The following PLCB1 variants were observed in gnomAD, a reference collection of about 807,000 sequenced individuals.
The protein encoded by PLCB1 is phospholipase C beta 1.
Under a neutral mutation model 161.8 loss-of-function variants are expected in PLCB1, and 46 were observed. The ratio of observed to expected loss-of-function variants is 0.28; its 90% CI spans 0.22 to 0.36. The LOEUF (loss-of-function observed/expected upper bound fraction) is 0.36, where lower values mean the gene tolerates loss of function less well. PLCB1 is among the 10% of genes least tolerant of loss of function. The pLI is 1.00. For missense variants in PLCB1, 1,016 were observed against 1,472.5 expected, an observed-to-expected ratio of 0.69 and a Z score of 5.07; for synonymous variants, 517 against 503.7, an observed-to-expected ratio of 1.03 and a Z score of -0.35.
chr20:8,744,294 C>T (rs1981034670), intron 23 of PLCB1, among the ~76,000 whole-genome samples: 1 of 152,076 alleles, frequency 6.6e-6, no homozygotes. Context: ...AGAGGAAATA[C>T]TTTTTAGATT....
chr20:8,259,359 CT>C (rs1370974852), intron 2 of PLCB1, among the ~76,000 whole-genome samples: 4 of 152,008 alleles, frequency 2.6e-5, no homozygotes. Context: ...GGTAGTGCCT[CT>C]AATTAGAGCA....
At chr20:8,874,256 G>T (rs3884400) in intron 31 of PLCB1, among the ~76,000 whole-genome samples, 3 of 52,718 alleles carry the variant, frequency 5.7e-5, no homozygotes, top group African/African-American at 1.4e-4. Flanking sequence ...ACACACACAC[G>T]CACAACAGAT....
intron 26 of PLCB1, among the ~76,000 whole-genome samples, chr20:8,773,716 G>A (rs201168460): frequency 6.6e-6 from 1 of 152,152 alleles, no homozygotes; most frequent in Non-Finnish European, 1.5e-5. Flanking sequence ...GCTCACGTCT[G>A]TAATCCCAGC....
In PLCB1 at chr20:8,649,368, T is replaced by C. The variant is rs778894649; in HGVS notation, c.519-6T>C. The C allele has an allele frequency of 2.5e-6, 4 of 1,610,920 alleles. 1 individual carries two copies. The highest frequency in any genetic ancestry group is 3.3e-4 in the Middle Eastern group (2 of 6,054). On this transcript the variant is annotated splice_polypyrimidine_tract_variant and splice_region_variant and intron_variant, in intron 6 of 31. Transcript: ENST00000338037. ...ACCTCTCTCCTTTGTTGTGTTCACT[T>C]CACAGCATATATCGCTTGTTTTCAG... is the stretch of plus-strand genomic sequence containing the variant.
At chr20:8,611,026 C>G (rs1987890853) in intron 3 of PLCB1, among the ~76,000 whole-genome samples, 2 of 151,956 alleles carry the variant, frequency 1.3e-5, no homozygotes, top group South Asian at 4.1e-4. Context: ...AGAAATGTAT[C>G]TCTTTTCAGG....
chr20:8,703,248 A>C (rs1978469378), intron 11 of PLCB1, among the ~76,000 whole-genome samples: 1 of 152,212 alleles, frequency 6.6e-6, no homozygotes, highest in African/African-American at 2.4e-5. Context: ...CCTACTTAAT[A>C]CACAAATATT....
intron 2 of PLCB1, among the ~76,000 whole-genome samples, chr20:8,287,728 C>T (rs1156534542): frequency 2.0e-5 from 3 of 152,140 alleles, no homozygotes; most frequent in East Asian, 1.9e-4. Flanking sequence ...TAATTACTCA[C>T]GGAATTTATG....
intron 3 of PLCB1, among the ~76,000 whole-genome samples, chr20:8,587,468 A>C (rs941870867): frequency 1.3e-5 from 2 of 152,190 alleles, no homozygotes; most frequent in African/African-American, 4.8e-5. Context: ...GCTTATACAA[A>C]AGGGGACTTC....
At chr20:8,775,919 A>G (rs1261337339) in intron 27 of PLCB1, among the ~76,000 whole-genome samples, 1 of 152,174 alleles carries the variant, frequency 6.6e-6, no homozygotes, top group African/African-American at 2.4e-5. Context: ...GGGTTGCCTC[A>G]TTTGTGAACT....
At chr20:8,551,593 T>C (rs1985778264) in intron 3 of PLCB1, among the ~76,000 whole-genome samples, 1 of 152,000 alleles carries the variant, frequency 6.6e-6, no homozygotes, top group Non-Finnish European at 1.5e-5. Context: ...TGCTGGAGAG[T>C]GAGCTCTTCC....
At position 8,825,487 on chromosome 20, in the gene PLCB1, C is replaced by T. The variant is rs184273674; in HGVS notation, c.3423+35226C>T. 2.0e-4 allele frequency among the ~76,000 whole-genome samples: 31 copies of T among 151,884 alleles called. No individual in the cohort carries two copies. The East Asian group carries it at 5.6e-3, about 28-fold the overall frequency. On this transcript the variant is annotated intron_variant, in intron 31 of 31. Transcript: ENST00000338037. The stretch of plus-strand genomic sequence containing the variant: ...CCTTTCAGATACGGAGAATAATACA[C>T]GCAAAGTCCCTGTGATAGGAGGGAC...
chr20:8,716,515 A>G (rs751974842), intron 13 of PLCB1, among the ~76,000 whole-genome samples, 167 bp downstream of exon 13: 5 of 152,330 alleles, frequency 3.3e-5, no homozygotes, highest in Middle Eastern at 3.4e-3. Flanking sequence ...CACTAAGGGT[A>G]GAGGAATGCC....
At chr20:8,670,113 C>T (rs1194191536) in intron 9 of PLCB1, among the ~76,000 whole-genome samples, 4 of 152,166 alleles carry the variant, frequency 2.6e-5, no homozygotes, top group African/African-American at 7.2e-5. Flanking sequence ...TATACAAATC[C>T]ATGTTCCAAA....
chr20:8,554,497 G>T (rs1296278975), intron 3 of PLCB1, among the ~76,000 whole-genome samples: 1 of 152,044 alleles, frequency 6.6e-6, no homozygotes, highest in Non-Finnish European at 1.5e-5. Context: ...GAAGAGAGCT[G>T]AAGAGACACA....
intron 3 of PLCB1, among the ~76,000 whole-genome samples, chr20:8,543,166 T>C (rs1985400402): frequency 6.6e-6 from 1 of 152,134 alleles, no homozygotes; most frequent in Non-Finnish European, 1.5e-5. Flanking sequence ...TGGAGTTTCA[T>C]ATGCATTTTC....
intron 2 of PLCB1, among the ~76,000 whole-genome samples, chr20:8,346,549 TTA>T (rs1253051650): frequency 6.6e-6 from 1 of 152,146 alleles, no homozygotes; most frequent in Non-Finnish European, 1.5e-5. Flanking sequence ...TAATCATGAG[TTA>T]TAATTTAAAC....
chr20:8,746,385 T>TAATAA, intron 23 of PLCB1, among the ~76,000 whole-genome samples: 1 of 152,244 alleles, frequency 6.6e-6, no homozygotes, highest in South Asian at 2.1e-4. Context: ...TATTAGGAAA[T>TAATAA]ATTATGTGAT....
At chr20:8,136,599 C>T (rs1402229834) in intron 1 of PLCB1, among the ~76,000 whole-genome samples, 5 of 149,130 alleles carry the variant, frequency 3.4e-5, no homozygotes, top group South Asian at 2.1e-4. Context: ...GCACTCCAGC[C>T]TGGGCGACAG....
At chr20:8,389,783 C>T (rs1252776973) in intron 3 of PLCB1, among the ~76,000 whole-genome samples, 5 of 152,132 alleles carry the variant, frequency 3.3e-5, no homozygotes, top group Non-Finnish European at 7.4e-5. Flanking sequence ...ATGAGAAGCA[C>T]TTGGGGAGCT....
Sources: gnomAD v4.1 joint callset for allele counts (sites outside exome capture counted in the v4.1 genomes callset) on GRCh38, gnomAD v4.1.1 for gene constraint, MANE v1.5 for transcripts, NCBI Gene and HGNC (gene_info 2026-07-23, HGNC 2026-07-21) for gene names.